Variants in USP15 observed in about 807,000 individuals in gnomAD.
USP15 encodes ubiquitin specific peptidase 15, also known as ubiquitin carboxyl-terminal hydrolase 15.
USP15 carries 18 observed loss-of-function variants against 127.1 expected under a neutral mutation model. The ratio of observed to expected loss-of-function variants is 0.14; its 90% CI spans 0.10 to 0.21. The LOEUF is 0.21. Ranked by LOEUF, USP15 falls within the 10% of genes least tolerant of loss-of-function variation. The pLI, the probability that USP15 is intolerant of heterozygous loss-of-function variation, is 1.00. For missense variants in USP15, 805 were observed against 1,159.9 expected (o/e 0.69, Z 4.44); for synonymous variants, 364 against 393.7 (o/e 0.92, Z 0.89).
At chr12:62,342,898 C>T (rs906246781) in intron 6 of USP15, among the ~76,000 whole-genome samples, 1 of 152,186 alleles carries the variant, frequency 6.6e-6, no homozygotes, top group African/African-American at 2.4e-5. Context: ...CTTGAGGAGG[C>T]AGCCTGTCCC....
chr12:62,268,007 T>C (rs962431321), intron 1 of USP15, among the ~76,000 whole-genome samples: 4 of 152,134 alleles, frequency 2.6e-5, no homozygotes, highest in Non-Finnish European at 4.4e-5. Context: ...TGAAGAACTT[T>C]TTAATTCTCA....
At chr12:62,263,006 G>A (rs529052634) in intron 1 of USP15, among the ~76,000 whole-genome samples, 2 of 152,142 alleles carry the variant, frequency 1.3e-5, no homozygotes, top group Non-Finnish European at 2.9e-5. Flanking sequence ...TTGCAAATTA[G>A]CAAGTGAAAC....
chr12:62,353,990 G>T (rs1025748114), intron 7 of USP15, among the ~76,000 whole-genome samples: 2 of 151,904 alleles, frequency 1.3e-5, no homozygotes, highest in African/African-American at 4.8e-5. Flanking sequence ...TATTTTTTCA[G>T]AGTTGAGGAG....
chr12:62,366,539 T>C (rs1304746966), intron 8 of USP15, among the ~76,000 whole-genome samples: 1 of 152,206 alleles, frequency 6.6e-6, no homozygotes, highest in African/African-American at 2.4e-5. Context: ...GAATACCCTT[T>C]ATTTCTTTCT....
At chr12:62,395,687 T>C (rs980129806) in intron 19 of USP15, among the ~76,000 whole-genome samples, 1 of 151,632 alleles carries the variant, frequency 6.6e-6, no homozygotes, top group African/African-American at 2.4e-5. Flanking sequence ...ATCCTTCTAC[T>C]CTGTCTGTCT....
chr12:62,367,718 G>T (rs1180138390), intron 8 of USP15, among the ~76,000 whole-genome samples: 1 of 150,894 alleles, frequency 6.6e-6, no homozygotes, highest in African/African-American at 2.4e-5. Flanking sequence ...TATTAGTCTG[G>T]CTAGCAGTCT....
At chr12:62,401,445 A>G (rs1289031481) in intron 21 of USP15, among the ~76,000 whole-genome samples, 170 bp downstream of exon 21, 4 of 152,016 alleles carry the variant, frequency 2.6e-5, no homozygotes, top group African/African-American at 4.8e-5. Flanking sequence ...CCTAAATGGA[A>G]ATTTGTCTTC....
intron 4 of USP15, among the ~76,000 whole-genome samples, chr12:62,317,966 G>T (rs1219541539): frequency 6.6e-6 from 1 of 152,116 alleles, no homozygotes; most frequent in Non-Finnish European, 1.5e-5. Context: ...TGAAAAATAT[G>T]ATTTAATTTC....
intron 4 of USP15, among the ~76,000 whole-genome samples, chr12:62,315,545 T>C (rs932430422): frequency 2.6e-5 from 4 of 152,166 alleles, no homozygotes; most frequent in African/African-American, 7.2e-5. Context: ...ATGGTTTTTG[T>C]TTCATAAAAC....
At chr12:62,349,083 G>A (rs2065898430) in intron 6 of USP15, 138 bp from the exon 7 acceptor site, 2 of 490,782 alleles carry the variant, frequency 4.1e-6, no homozygotes, top group South Asian at 9.2e-5. Context: ...GAAAACCAAA[G>A]GATAATAGTG....
chr12:62,395,931 A>G (rs1012422608), intron 19 of USP15, among the ~76,000 whole-genome samples: 4 of 152,074 alleles, frequency 2.6e-5, no homozygotes, highest in African/African-American at 9.7e-5. Context: ...ATTGCAACAC[A>G]TAGTTTCGTC....
chr12:62,391,761 A>T (rs2067331441), intron 16 of USP15, 55 bp from the exon 17 acceptor site: 15 of 1,402,906 alleles, frequency 1.1e-5, no homozygotes, highest in African/African-American at 1.5e-5. Context: ...ATTAAAATAT[A>T]CTTTAATACT....
intron 1 of USP15, among the ~76,000 whole-genome samples, chr12:62,266,367 A>AACC (rs964121267): frequency 2.6e-5 from 4 of 152,174 alleles, no homozygotes; most frequent in Non-Finnish European, 5.9e-5. Context: ...AATCCATATG[A>AACC]ACCACTCAGC....
chr12:62,399,487 A>G (rs1272712946), intron 20 of USP15, among the ~76,000 whole-genome samples: 4 of 152,218 alleles, frequency 2.6e-5, no homozygotes, highest in Non-Finnish European at 5.9e-5. Context: ...TTTCTGTGAC[A>G]AAAATTGAAG....
At chr12:62,404,168 GT>G (rs1565921457) in intron 21 of USP15, 24 bp from the exon 22 acceptor site, 15 of 1,567,054 alleles carry the variant, frequency 9.6e-6, no homozygotes, top group Non-Finnish European at 1.2e-5. Context: ...AATCATAACT[GT>G]TTTAACATCC....
chr12:62,355,236 TCAAC>T, intron 7 of USP15, 91 bp from the exon 8 acceptor site: 1 of 1,104,214 alleles, frequency 9.1e-7, no homozygotes. Flanking sequence ...AATGTAATGA[TCAAC>T]CACATATCTC....
intron 6 of USP15, among the ~76,000 whole-genome samples, chr12:62,332,410 C>G (rs1158585146): frequency 6.7e-6 from 1 of 149,014 alleles, no homozygotes; most frequent in Non-Finnish European, 1.5e-5. Context: ...AATTTCATTT[C>G]TTTTTTTTTA....
chr12:62,362,216 G>C (rs2066339940), intron 8 of USP15, among the ~76,000 whole-genome samples: 1 of 152,032 alleles, frequency 6.6e-6, no homozygotes, highest in South Asian at 2.1e-4. Flanking sequence ...CAACCTATAA[G>C]AAATGCTTAT....
At chr12:62,274,124 G>A (rs1565807028) in intron 1 of USP15, 1 of 151,918 alleles carries the variant, frequency 6.6e-6, no homozygotes, top group Non-Finnish European at 1.5e-5. Context: ...TAGAGTGCGG[G>A]ACTTTGTGTA....
Sources: gnomAD v4.1 joint callset for allele counts (sites outside exome capture counted in the v4.1 genomes callset) on GRCh38, gnomAD v4.1.1 for gene constraint, MANE v1.5 for transcripts, NCBI Gene and HGNC (gene_info 2026-07-23, HGNC 2026-07-21) for gene names.